WDR26: variants seen among roughly 807,000 people sequenced by gnomAD.
WDR26 encodes the protein WD repeat domain 26.
A neutral mutation model predicts 84.1 loss-of-function variants in WDR26; 5 were observed. That is an observed-to-expected ratio of 0.06 (90% CI 0.03 to 0.13). The LOEUF is 0.13. Ranked by LOEUF, WDR26 falls within the 10% of genes least tolerant of loss-of-function variation. The pLI is 1.00. For missense variants in WDR26, 642 were observed against 974.9 expected, an observed-to-expected ratio of 0.66 and a Z score of 4.55; for synonymous variants, 415 against 389.6, an observed-to-expected ratio of 1.07 and a Z score of -0.77.
intron 13 of WDR26, among the ~76,000 whole-genome samples, chr1:224,392,337 G>C (rs931689000): frequency 1.3e-5 from 2 of 151,238 alleles, no homozygotes; most frequent in South Asian, 2.1e-4. Flanking sequence ...CACTGGGAGA[G>C]AGCATGAGAC....
intron 13 of WDR26, among the ~76,000 whole-genome samples, chr1:224,391,095 A>T (rs990351604): frequency 1.3e-4 from 20 of 151,934 alleles, no homozygotes; most frequent in South Asian, 6.2e-4. Flanking sequence ...TAAAAAAAAA[A>T]ATATCATGCC....
At chr1:224,391,039 C>T (rs2102883772) in intron 13 of WDR26, among the ~76,000 whole-genome samples, 1 of 152,016 alleles carries the variant, frequency 6.6e-6, no homozygotes, top group East Asian at 1.9e-4. Context: ...TCCATTCATA[C>T]TGTAGCATGC....
intron 12 of WDR26, 62 bp downstream of exon 12, chr1:224,398,035 C>T: frequency 1.3e-6 from 2 of 1,573,620 alleles, no homozygotes; most frequent in Non-Finnish European, 1.7e-6. Flanking sequence ...TGACTGCCTT[C>T]ATAAATTGAG....
Position 224,424,569 on chromosome 1 carries a change from C to T in WDR26, c.1013G>A (p.Cys338Tyr). The T allele has an allele frequency of 6.2e-7, 1 of 1,614,122 alleles. No individual in the cohort carries two copies. The highest frequency in any genetic ancestry group is 8.5e-7 in the Non-Finnish European group (1 of 1,179,982). ...ATTGTATTTCAGCGGCGTCAATTCA[C>T]AGCGTAGAACTTGAAGTGCCTCCAG... is the stretch of plus-strand genomic sequence containing the variant. The change falls in exon 4 of 14, where the codon TGT becomes TAT. Residue 338 changes from cysteine (C) to tyrosine (Y), a missense_variant. Cys to Tyr is a radical substitution (Grantham distance 194, BLOSUM62 -2). Transcript: ENST00000414423.
intron 7 of WDR26, among the ~76,000 whole-genome samples, chr1:224,408,787 T>C (rs1165348791): frequency 6.6e-6 from 1 of 152,170 alleles, no homozygotes; most frequent in Non-Finnish European, 1.5e-5. Flanking sequence ...TTCATAATAC[T>C]TTATGTATTA....
chr1:224,423,153 G>A (rs1038786348), intron 4 of WDR26, among the ~76,000 whole-genome samples: 1 of 152,152 alleles, frequency 6.6e-6, no homozygotes, highest in Non-Finnish European at 1.5e-5. Flanking sequence ...GAGTTTTTTA[G>A]TGGATTCCTT....
intron 8 of WDR26, among the ~76,000 whole-genome samples, chr1:224,403,890 T>C (rs1395869279): frequency 2.0e-5 from 3 of 152,040 alleles, no homozygotes; most frequent in South Asian, 2.1e-4. Context: ...TGAGCCGAGA[T>C]TGCGCCACCG....
In WDR26 at chr1:224,402,534, T is replaced by C. The variant is rs542995965; in HGVS notation, c.1600-1465A>G. Among the ~76,000 whole-genome samples, 25 of 152,344 alleles carry C rather than the reference T, an allele frequency of 1.6e-4. 1 individual carries two copies. Among genetic ancestry groups the C allele is most frequent in the African/African-American group, 5.8e-4 (24 of 41,564 alleles). ...CTGAAAACTGATTAGATCACCCTTT[T>C]AGAAGAAGTTTTAAGTATATAAAGT... is the stretch of plus-strand genomic sequence containing the variant. On this transcript the variant is annotated intron_variant, in intron 8 of 13. Transcript: ENST00000414423.
chr1:224,397,493 G>A (rs960233355), intron 12 of WDR26, among the ~76,000 whole-genome samples: 3 of 152,094 alleles, frequency 2.0e-5, no homozygotes, highest in Non-Finnish European at 4.4e-5. Context: ...AGTGACTTTA[G>A]GCATATTCCT....
In WDR26 at chr1:224,387,319, T is replaced by A. The variant is rs1387281972; in HGVS notation, c.*2516A>T. On this transcript the variant is annotated 3_prime_UTR_variant, in exon 14 of 14. Coordinates refer to ENST00000414423, the MANE Select transcript of WDR26 (RefSeq NM_001379403.1). The stretch of plus-strand genomic sequence containing the variant: ...CATACCATAAAATCCTAGGCTTCTT[T>A]ACCATTGATTTCACCTTTCGAGCAC... 2 of 152,726 alleles carry A rather than the reference T, an allele frequency of 1.3e-5. No homozygotes were observed. The highest frequency in any genetic ancestry group is 4.8e-5 in the African/African-American group (2 of 41,578). 9.5% of individuals were successfully genotyped at this position (152,726 alleles called of 1,614,324 possible). A position where few individuals can be genotyped will look rare whatever the true frequency, so the allele number is the denominator to read the frequency against.
rs955318766 is a variant in WDR26 at position 224,388,111 on chromosome 1, G to A, written c.*1724C>T. 4.6e-5 allele frequency: 5 copies of A among 107,920 alleles called. No individual in the cohort carries two copies. Among genetic ancestry groups the A allele is most frequent in the African/African-American group, 1.4e-4 (5 of 35,652 alleles). The allele number at this position is 107,920 out of a possible 1,614,324, so 6.7% of individuals were successfully genotyped here. ...TGCATGCTATTTTAAGGCCAAATGT[G>A]TTTTTCTTTCTTCTCCCCTTCCCTG... On this transcript the variant is annotated 3_prime_UTR_variant, in exon 14 of 14. Transcript: ENST00000414423.
chr1:224,406,656 G>T (rs1673575674), intron 7 of WDR26, among the ~76,000 whole-genome samples: 1 of 152,106 alleles, frequency 6.6e-6, no homozygotes, highest in African/African-American at 2.4e-5. Context: ...TGGGTAAGAG[G>T]TATTTGTATT....
chr1:224,433,744 G>A lies in WDR26; in HGVS notation c.662C>T (p.Ser221Phe). ...CCTAATGACATCCTCATCTGACTGGGAGAGCCGCTTCTTCTTCTTGAGGCT... is the reference window on the plus strand; with the variant it reads ...CCTAATGACATCCTCATCTGACTGGAAGAGCCGCTTCTTCTTCTTGAGGCT... The change falls in exon 1 of 14, where the codon TCC becomes TTC. Residue 221 changes from serine to phenylalanine, a missense_variant. By Grantham distance (155) the Ser-to-Phe change is radical. Transcript: ENST00000414423. 6.5e-7 allele frequency: 1 copy of A among 1,536,352 alleles called. No individual in the cohort carries two copies. Among genetic ancestry groups the A allele is most frequent in the Non-Finnish European group, 8.7e-7 (1 of 1,146,416 alleles).
In WDR26 at chr1:224,388,858, A is replaced by T. The variant is rs1479298736; in HGVS notation, c.*977T>A. On this transcript the variant is annotated 3_prime_UTR_variant, in exon 14 of 14. Transcript: ENST00000414423. ...AACAAGCTTTACTGAAAACCAACTG[A>T]CTACTGATGTCTCATGTTGGTGTAT... 1 of 152,630 alleles carries T rather than the reference A, an allele frequency of 6.6e-6. No homozygotes were observed. The highest frequency in any genetic ancestry group is 1.5e-5 in the Non-Finnish European group (1 of 68,022). The allele number at this position is 152,630 out of a possible 1,614,324, so 9.5% of individuals were successfully genotyped here.
In WDR26 at chr1:224,434,647, G is replaced by A; in HGVS notation, c.-242C>T. The A allele has an allele frequency of 1.4e-6, 1 of 712,326 alleles. No homozygotes were observed. 44.1% of individuals were successfully genotyped at this position (712,326 alleles called of 1,614,324 possible). On this transcript the variant is annotated 5_prime_UTR_variant, in exon 1 of 14. Transcript: ENST00000414423. ...CGGGGGGCGCCGCGGGGCGGCTGCG[G>A]GGGCGCGGGGCCCGCCGCTGGGCTG...
intron 3 of WDR26, chr1:224,429,944 A>C (rs1371926960): frequency 6.6e-6 from 1 of 152,246 alleles, no homozygotes; most frequent in Non-Finnish European, 1.5e-5. Context: ...GGCGAAGCTT[A>C]AACAACCTCC....
rs1261005968 is a variant in WDR26 at position 224,389,453 on chromosome 1, A to T, written c.*382T>A. 2.2e-6 allele frequency: 1 copy of T among 462,984 alleles called. No homozygotes were observed. The highest frequency in any genetic ancestry group is 2.0e-5 in the African/African-American group (1 of 48,868). 28.7% of individuals were successfully genotyped at this position (462,984 alleles called of 1,614,324 possible). On this transcript the variant is annotated 3_prime_UTR_variant, in exon 14 of 14. Coordinates refer to ENST00000414423, the MANE Select transcript of WDR26 (RefSeq NM_001379403.1). ...TCTATCAAGCCTTCTAAACTGTTAAATAAAGTTTTCCAAACAAGCATTTAA... is the reference window on the plus strand; with the variant it reads ...TCTATCAAGCCTTCTAAACTGTTAATTAAAGTTTTCCAAACAAGCATTTAA...
intron 8 of WDR26, among the ~76,000 whole-genome samples, chr1:224,403,178 G>T (rs924122743): frequency 1.3e-5 from 2 of 151,850 alleles, no homozygotes; most frequent in Non-Finnish European, 1.5e-5. Flanking sequence ...TCAGCCTCCC[G>T]AGTAGCTGGG....
chr1:224,401,749 G>C (rs909891719), intron 8 of WDR26, among the ~76,000 whole-genome samples: 1 of 133,250 alleles, frequency 7.5e-6, no homozygotes, highest in African/African-American at 2.7e-5. Context: ...AGTAGGCAAA[G>C]GGCAGTCTAC....
Sources: allele counts gnomAD v4.1 joint callset (sites outside exome capture counted in the v4.1 genomes callset), GRCh38; gene constraint gnomAD v4.1.1; transcripts MANE v1.5; gene names NCBI Gene and HGNC (gene_info 2026-07-23, HGNC 2026-07-21).